UBR3: variants seen among roughly 807,000 people sequenced by gnomAD.
UBR3 encodes the protein E3 ubiquitin-protein ligase UBR3.
In UBR3, 85 loss-of-function variants were observed where a neutral mutation model predicts 243.2. The ratio of observed to expected loss-of-function variants is 0.35; its 90% CI spans 0.29 to 0.42. The LOEUF (loss-of-function observed/expected upper bound fraction) is 0.42, where lower values mean the gene tolerates loss of function less well. UBR3 is among the 10% of genes least tolerant of loss of function. The pLI, the probability that UBR3 is intolerant of heterozygous loss-of-function variation, is 1.00. For missense variants in UBR3, 1,686 were observed against 2,300.8 expected (o/e 0.73, Z 5.47); for synonymous variants, 748 against 799.8 (o/e 0.94, Z 1.09).
intron 24 of UBR3, among the ~76,000 whole-genome samples, chr2:169,967,162 G>A (rs1484810204): frequency 6.6e-6 from 1 of 152,016 alleles, no homozygotes; most frequent in African/African-American, 2.4e-5. Context: ...TGGAACAAGA[G>A]CTATTAATCA....
intron 31 of UBR3, among the ~76,000 whole-genome samples, chr2:170,030,601 T>C (rs372785033): frequency 2.0e-4 from 30 of 152,248 alleles, no homozygotes; most frequent in East Asian, 9.6e-4. Flanking sequence ...ATTATGTTTT[T>C]AAAATACCAA....
intron 1 of UBR3, among the ~76,000 whole-genome samples, chr2:169,833,784 ATT>A (rs746428736): frequency 7.6e-5 from 11 of 144,330 alleles, no homozygotes; most frequent in Non-Finnish European, 6.1e-5. Flanking sequence ...GCATTTCTAG[ATT>A]TTTTTTTTTT....
At chr2:169,949,398 C>A in intron 22 of UBR3, 1 of 453,768 alleles carries the variant, frequency 2.2e-6, no homozygotes, top group South Asian at 4.0e-5. Flanking sequence ...CTGATGATCT[C>A]CTCCTTATTA....
rs374316951 is a variant in UBR3 at position 169,961,485 on chromosome 2, G to C, written c.3634+2959G>C. 3.3e-5 allele frequency among the ~76,000 whole-genome samples: 5 copies of C among 152,166 alleles called. No individual in the cohort carries two copies. In the South Asian group the frequency reaches 6.2e-4, roughly 19 times the overall value. On this transcript the variant is annotated intron_variant, in intron 24 of 38. Transcript: ENST00000272793. The stretch of plus-strand genomic sequence containing the variant: ...GGCATGCACTGCCATGCCTGGTTCA[G>C]ATCTTAATAATGCATGTTTGGTAGC...
At chr2:169,860,793 A>G (rs192509595) in intron 1 of UBR3, among the ~76,000 whole-genome samples, 1 of 152,304 alleles carries the variant, frequency 6.6e-6, no homozygotes, top group East Asian at 1.9e-4. Flanking sequence ...GAATTGACTC[A>G]CACAATCACA....
chr2:169,897,163 AATTT>A (rs1295722574), intron 8 of UBR3, among the ~76,000 whole-genome samples: 8 of 152,166 alleles, frequency 5.3e-5, no homozygotes, highest in South Asian at 2.1e-4. Context: ...GCTATACCAT[AATTT>A]ATTTAGTCAT....
chr2:170,068,055 C>G (rs2091615754), intron 35 of UBR3, among the ~76,000 whole-genome samples: 2 of 152,034 alleles, frequency 1.3e-5, no homozygotes, highest in South Asian at 4.1e-4. Flanking sequence ...CAGGCATGAG[C>G]CACCTCACCC....
chr2:170,061,427 A>G lies in UBR3; in HGVS notation c.5003A>G (p.Asp1668Gly). The G allele has an allele frequency of 1.2e-6, 2 of 1,613,554 alleles. No homozygotes were observed. Among genetic ancestry groups the G allele is most frequent in the Non-Finnish European group, 1.7e-6 (2 of 1,179,886 alleles). ...CTTCAGCACCACCTTTTTGGGGAAG[A>G]TTTACCTAGCTGCCAGGTAGATAAT... Reference protein sequence around the residue: ...SLLQHHLFGEDLPSCQEEEEF... With the variant: ...SLLQHHLFGEGLPSCQEEEEF... The change falls in exon 35 of 39, where the codon GAT (aspartate) becomes GGT (glycine). Residue 1668 changes from aspartate (D) to glycine (G), a missense_variant. Asp to Gly is a moderately conservative substitution (Grantham distance 94). Coordinates refer to ENST00000272793, the MANE Select transcript of UBR3 (RefSeq NM_172070.4).
intron 32 of UBR3, among the ~76,000 whole-genome samples, chr2:170,046,414 T>C (rs1559215079): frequency 6.6e-6 from 1 of 152,148 alleles, no homozygotes; most frequent in African/African-American, 2.4e-5. Flanking sequence ...AGAATCTGAG[T>C]CTTTTTCCCT....
At chr2:169,941,864 T>G (rs1045042512) in intron 19 of UBR3, among the ~76,000 whole-genome samples, 7 of 152,214 alleles carry the variant, frequency 4.6e-5, no homozygotes, top group African/African-American at 1.4e-4. Context: ...ACAGACAAGC[T>G]AATTCATTCT....
intron 8 of UBR3, 93 bp downstream of exon 8, chr2:169,896,828 T>C (rs535623221): frequency 1.3e-5 from 11 of 822,706 alleles, no homozygotes; most frequent in Non-Finnish European, 1.8e-5. Flanking sequence ...ATATTACTAA[T>C]AATGATACTT....
chr2:170,030,633 A>T (rs2090642900), intron 31 of UBR3, among the ~76,000 whole-genome samples: 1 of 152,084 alleles, frequency 6.6e-6, no homozygotes, highest in Non-Finnish European at 1.5e-5. Flanking sequence ...ACCATAAATT[A>T]TCTTTGTCAT....
At chr2:170,076,952 T>A (rs1477433974) in intron 36 of UBR3, among the ~76,000 whole-genome samples, 1 of 152,202 alleles carries the variant, frequency 6.6e-6, no homozygotes, top group African/African-American at 2.4e-5. Context: ...TCATGGTCAA[T>A]CCCTCCAGGC....
At chr2:170,049,442 G>A (rs930719213) in intron 32 of UBR3, among the ~76,000 whole-genome samples, 3 of 152,150 alleles carry the variant, frequency 2.0e-5, no homozygotes, top group African/African-American at 7.2e-5. Flanking sequence ...GACCTGCACA[G>A]TTCAAACCCA....
intron 26 of UBR3, among the ~76,000 whole-genome samples, chr2:169,997,036 C>G (rs1190339220): frequency 6.6e-6 from 1 of 151,984 alleles, no homozygotes; most frequent in Non-Finnish European, 1.5e-5. Context: ...ACATATATTA[C>G]TTTATTAATC....
intron 21 of UBR3, 22 bp from the exon 22 acceptor site, chr2:169,947,520 T>C (rs1189434823): frequency 2.1e-6 from 3 of 1,430,954 alleles, no homozygotes; most frequent in Admixed American, 5.8e-5. Flanking sequence ...AGACTTGATA[T>C]TCATTTTTTT....
chr2:169,857,070 T>TTTG, intron 1 of UBR3, among the ~76,000 whole-genome samples: 1 of 89,208 alleles, frequency 1.1e-5, no homozygotes, highest in South Asian at 4.2e-4. Context: ...TTATGTTTTT[T>TTTG]TTTTTTTTTT....
chr2:169,851,752 C>T (rs2105293412), intron 1 of UBR3, among the ~76,000 whole-genome samples: 1 of 150,816 alleles, frequency 6.6e-6, no homozygotes. Context: ...GCAGGAGAAT[C>T]ACTTGAACCA....
At chr2:169,876,189 T>G (rs1161664507) in intron 3 of UBR3, among the ~76,000 whole-genome samples, 2 of 151,316 alleles carry the variant, frequency 1.3e-5, no homozygotes, top group African/African-American at 4.9e-5. Context: ...GTTCACGCCA[T>G]TCTGCCTCAG....
Sources: allele counts gnomAD v4.1 joint callset (sites outside exome capture counted in the v4.1 genomes callset), GRCh38; gene constraint gnomAD v4.1.1; transcripts MANE v1.5; gene names NCBI Gene and HGNC (gene_info 2026-07-23, HGNC 2026-07-21).